The following GCN1 variants were observed in gnomAD, a reference collection of about 807,000 sequenced individuals.
The protein encoded by GCN1 is GCN1 activator of EIF2AK4, also known as stalled ribosome sensor GCN1.
GCN1 carries 90 observed loss-of-function variants against 288.4 expected under a neutral mutation model. That is an observed-to-expected ratio of 0.31 (90% CI 0.26 to 0.37). The LOEUF (loss-of-function observed/expected upper bound fraction) is 0.37, where lower values mean the gene tolerates loss of function less well. Among genes scored for constraint, GCN1 ranks in the 10% least tolerant of loss-of-function variants. The probability of loss-of-function intolerance (pLI) is 1.00; values close to 1 mark genes in which losing one functional copy is unlikely to be tolerated. For synonymous variants in GCN1, 1,386 were observed against 1,420.2 expected (o/e 0.98, Z 0.54); for missense variants, 2,586 against 3,419.9 (o/e 0.76, Z 6.08).
chr12:120,137,528 G>A lies in GCN1; in HGVS notation c.6663+17C>T. ...TCTAAAAGCAAAAGTTGGCTGTGGG[G>A]TCAGCAGTCCCCTCACCTTAGTGAT... On this transcript the variant is annotated intron_variant, in intron 49 of 57. Coordinates refer to ENST00000300648, the MANE Select transcript of GCN1 (RefSeq NM_006836.2). The surrounding 1 kb of genome is among the most constrained non-coding windows in gnomAD (Gnocchi z 5.2). 1 of 1,609,534 alleles carries A rather than the reference G, an allele frequency of 6.2e-7. No homozygotes were observed. Among genetic ancestry groups the A allele is most frequent in the East Asian group, 2.2e-5 (1 of 44,766 alleles).
intron 2 of GCN1, among the ~76,000 whole-genome samples, chr12:120,185,151 G>C (rs917669548): frequency 3.3e-5 from 5 of 152,206 alleles, no homozygotes; most frequent in African/African-American, 1.2e-4. Flanking sequence ...TCAAGAGGAG[G>C]TTCAGGAGTG....
Position 120,183,631 on chromosome 12 carries a change from G to A in GCN1, c.364C>T (p.Leu122Phe). Residue 122 changes from leucine to phenylalanine, a missense_variant, in exon 5 of 58, where the codon CTC becomes TTC. This residue lies in a region of GCN1 where 913 missense variants were observed against 1,107.0 expected (regional missense o/e 0.82). Transcript: ENST00000300648. Reference sequence around the variant, plus strand: ...GATGGAAAGACAATGCGCACCAGGAGGCAGGTCCAGGTCAAGGCCAGCAAG... The same window carrying A: ...GATGGAAAGACAATGCGCACCAGGAAGCAGGTCCAGGTCAAGGCCAGCAAG... Reference protein sequence around the residue: ...AALLALTWTCLLVRIVFPSRA... With the variant: ...AALLALTWTCFLVRIVFPSRA... 6.2e-7 allele frequency: 1 copy of A among 1,613,836 alleles called. No individual in the cohort carries two copies. The highest frequency in any genetic ancestry group is 8.5e-7 in the Non-Finnish European group (1 of 1,179,750).
intron 47 of GCN1, 121 bp from the exon 48 acceptor site, chr12:120,138,165 G>T: frequency 1.0e-6 from 1 of 1,001,836 alleles, no homozygotes; most frequent in Non-Finnish European, 1.5e-6. Flanking sequence ...ATCTACTCCA[G>T]CATATCTTGG....
intron 5 of GCN1, among the ~76,000 whole-genome samples, chr12:120,182,662 G>A (rs959963305): frequency 1.3e-5 from 2 of 152,182 alleles, no homozygotes; most frequent in Non-Finnish European, 2.9e-5. Flanking sequence ...CCAAGGCCTG[G>A]CAAAGTGGCT....
chr12:120,181,264 G>A lies in GCN1; in HGVS notation c.426+2305C>T, dbSNP rs146359729. Among the ~76,000 whole-genome samples, 45 of 151,440 alleles carry A rather than the reference G, an allele frequency of 3.0e-4. 1 individual carries two copies. In the East Asian group the frequency reaches 7.8e-3, roughly 26 times the overall value. ...GTGGTTCCCTTGAGCCCAGGAGTTC[G>A]AGACCAACCCGGGCAACAAAAGAAA... On this transcript the variant is annotated intron_variant, in intron 5 of 57. Transcript: ENST00000300648.
intron 22 of GCN1, 45 bp from the exon 23 acceptor site, chr12:120,160,300 G>A: frequency 7.6e-7 from 1 of 1,316,186 alleles, no homozygotes; most frequent in Non-Finnish European, 1.1e-6. Flanking sequence ...CCAGGGAACA[G>A]ACCTCCCTCC....
chr12:120,135,821 G>A (rs953887803), intron 51 of GCN1, among the ~76,000 whole-genome samples: 1 of 151,828 alleles, frequency 6.6e-6, no homozygotes, highest in Non-Finnish European at 1.5e-5. Context: ...TCAGGAGTTC[G>A]AGACCAGCCT....
At chr12:120,147,350 T>C in intron 37 of GCN1, 78 bp from the exon 38 acceptor site, 1 of 723,432 alleles carries the variant, frequency 1.4e-6, no homozygotes, top group East Asian at 2.8e-5. Context: ...AGAACTAGAA[T>C]GGATCAGAAG....
rs1390308404 is a variant in GCN1 at position 120,137,708 on chromosome 12, A to G, written c.6500T>C (p.Met2167Thr). 3 of 1,614,172 alleles carry G rather than the reference A, an allele frequency of 1.9e-6. No individual in the cohort carries two copies. Among genetic ancestry groups the G allele is most frequent in the Non-Finnish European group, 8.5e-7 (1 of 1,180,030 alleles). Residue 2167 changes from methionine to threonine, a missense_variant, in exon 49 of 58, where the codon ATG (methionine) becomes ACG (threonine). Around this residue, in one of 8 missense-constraint regions of GCN1, gnomAD observed 437 missense variants for 570.5 expected, o/e 0.77. Transcript: ENST00000300648. This position sits in a 1 kb window ranked among gnomAD's most constrained non-coding sequence, Gnocchi z 5.2. Reference sequence around the variant, plus strand: ...GAGGATGATGGCAGCAGCTTGCCTCATGCCCACCTCAGGGCTGCGGGTGGC... The same window carrying G: ...GAGGATGATGGCAGCAGCTTGCCTCGTGCCCACCTCAGGGCTGCGGGTGGC... ...LEATRSPEVG[M>T]RQAAAIILNI...
At position 120,192,669 on chromosome 12, in the gene GCN1, T is replaced by C. The variant is rs111645847; in HGVS notation, c.18+2011A>G. 6.2e-4 allele frequency among the ~76,000 whole-genome samples: 93 copies of C among 148,926 alleles called. No individual in the cohort carries two copies. The Middle Eastern group carries it at 0.014, about 23-fold the overall frequency. On this transcript the variant is annotated intron_variant, in intron 1 of 57. Transcript: ENST00000300648. ...ATCGCTTGAACCCGGGAGGCAGAGG[T>C]TGTAGTGAGCCAAGATTGTGCCACT...
At chr12:120,194,658 G>A (rs1388789998) in intron 1 of GCN1, 22 bp downstream of exon 1, 2 of 1,513,658 alleles carry the variant, frequency 1.3e-6, no homozygotes, top group African/African-American at 1.4e-5. Flanking sequence ...GGCCGCGTTG[G>A]CCCCGCAGCC....
In GCN1 at chr12:120,157,840, C is replaced by A. The variant is rs1877799883; in HGVS notation, c.3087+9G>T. On this transcript the variant is annotated intron_variant, in intron 26 of 57. Coordinates refer to ENST00000300648, the MANE Select transcript of GCN1 (RefSeq NM_006836.2). ...TAAACCAAGAGGAGAGCAGAGCTTC[C>A]CTGCCAACCTCGTCCACCCGCCCGG... 3.1e-6 allele frequency: 5 copies of A among 1,610,968 alleles called. No individual in the cohort carries two copies. The East Asian group carries it at 1.1e-4, about 36-fold the overall frequency.
intron 2 of GCN1, 107 bp from the exon 3 acceptor site, chr12:120,184,994 T>C (rs1878776760): frequency 1.3e-6 from 1 of 748,088 alleles, no homozygotes; most frequent in Non-Finnish European, 2.4e-6. Flanking sequence ...ACACTCCCCA[T>C]ATATTTAAGA....
At position 120,132,696 on chromosome 12, in the gene GCN1, G is replaced by A. The variant is rs113603736; in HGVS notation, c.7318-674C>T. Among the ~76,000 whole-genome samples the A allele has an allele frequency of 2.3e-3, 355 of 152,322 alleles. 4 individuals are homozygous for A. The highest frequency in any genetic ancestry group is 7.9e-3 in the African/African-American group (330 of 41,568). On this transcript the variant is annotated intron_variant, in intron 53 of 57. Coordinates refer to ENST00000300648, the MANE Select transcript of GCN1 (RefSeq NM_006836.2). ...GCTCCTCCCTGGCCAGCTAACTATGGAATACCAAGAGAGGATTTTAAGTTA... is the reference window on the plus strand; with the variant it reads ...GCTCCTCCCTGGCCAGCTAACTATGAAATACCAAGAGAGGATTTTAAGTTA...
rs1877725802 is a variant in GCN1, at chr12:120,155,740, C to T, written c.3313-21G>A. 6.2e-7 allele frequency: 1 copy of T among 1,613,270 alleles called. No homozygotes were observed. Among genetic ancestry groups the T allele is most frequent in the Non-Finnish European group, 8.5e-7 (1 of 1,179,738 alleles). On this transcript the variant is annotated intron_variant, in intron 28 of 57. Coordinates refer to ENST00000300648, the MANE Select transcript of GCN1 (RefSeq NM_006836.2). This position sits in a 1 kb window ranked among gnomAD's most constrained non-coding sequence, Gnocchi z 4.9. ...AGCCCCTGGAAGGGGTGGGATTGGA[C>T]CGTGTGAGGCATCATCTTTCAGAAG...
rs779815430 is a variant in GCN1, at chr12:120,142,589, G to A, written c.5747C>T (p.Pro1916Leu). 1 of 1,614,054 alleles carries A rather than the reference G, an allele frequency of 6.2e-7. No individual in the cohort carries two copies. The highest frequency in any genetic ancestry group is 8.5e-7 in the Non-Finnish European group (1 of 1,180,018). Residue 1916 changes from proline (P) to leucine (L), a missense_variant, in exon 44 of 58, where the codon CCC becomes CTC. Around this residue, in one of 8 missense-constraint regions of GCN1, gnomAD observed 437 missense variants for 570.5 expected, o/e 0.77. Coordinates refer to ENST00000300648, the MANE Select transcript of GCN1 (RefSeq NM_006836.2). The surrounding 1 kb of genome is among the most constrained non-coding windows in gnomAD (Gnocchi z 4.9). ...HVWKIVVSNT[P>L]RTLREILPTL... The stretch of plus-strand genomic sequence containing the variant: ...GGGTAGGATCTCACGCAAGGTGCGG[G>A]GGGTATTGGAGACAACAATCTTCCA...
In GCN1 at chr12:120,144,884, G is replaced by A; in HGVS notation, c.5155+39C>T. On this transcript the variant is annotated intron_variant, in intron 40 of 57. Transcript: ENST00000300648. This position sits in a 1 kb window ranked among gnomAD's most constrained non-coding sequence, Gnocchi z 4.7. The stretch of plus-strand genomic sequence containing the variant: ...CCACTGGATCTGAGGGCCCCTTAGA[G>A]CATTCCCAGGCTGGCCACTGGACCT... The A allele has an allele frequency of 6.2e-7, 1 of 1,614,014 alleles. No homozygotes were observed. The highest frequency in any genetic ancestry group is 8.5e-7 in the Non-Finnish European group (1 of 1,179,892).
intron 5 of GCN1, among the ~76,000 whole-genome samples, chr12:120,182,168 A>G (rs1232876581): frequency 6.6e-6 from 1 of 151,878 alleles, no homozygotes; most frequent in East Asian, 2.0e-4. Context: ...ACAAAAAAAA[A>G]AAAACAAAAA....
chr12:120,136,989 G>A (rs1184291668), intron 50 of GCN1, among the ~76,000 whole-genome samples: 3 of 152,164 alleles, frequency 2.0e-5, no homozygotes, highest in African/African-American at 7.2e-5. Context: ...CACTCACTCT[G>A]GCCAAGGTGA....
Sources: allele counts gnomAD v4.1 joint callset (sites outside exome capture counted in the v4.1 genomes callset), GRCh38; gene constraint gnomAD v4.1.1; regional missense constraint gnomAD v4.1.1; non-coding constraint Gnocchi (gnomAD v3.1); transcripts MANE v1.5; gene names NCBI Gene and HGNC (gene_info 2026-07-23, HGNC 2026-07-21).